Variants in PHACTR4 observed in about 807,000 individuals in gnomAD.
PHACTR4 encodes the protein phosphatase and actin regulator 4.
In PHACTR4, 51 loss-of-function variants were observed where a neutral mutation model predicts 72.7. The ratio of observed to expected loss-of-function variants is 0.70; its 90% CI spans 0.56 to 0.89. The LOEUF is 0.89. PHACTR4 is among the 40% of genes least tolerant of loss of function. The probability of loss-of-function intolerance (pLI) is 0.00; values close to 1 mark genes in which losing one functional copy is unlikely to be tolerated. For synonymous variants in PHACTR4, 255 were observed against 302.5 expected, an observed-to-expected ratio of 0.84 and a Z score of 1.63; for missense variants, 731 against 861.8, an observed-to-expected ratio of 0.85 and a Z score of 1.90.
At chr1:28,376,941 T>A (rs1158237429) in intron 1 of PHACTR4, among the ~76,000 whole-genome samples, 1 of 151,008 alleles carries the variant, frequency 6.6e-6, no homozygotes, top group Non-Finnish European at 1.5e-5. Context: ...CCGGCCTTAA[T>A]TTTTTTTTGA....
chr1:28,410,483 AAT>A, intron 2 of PHACTR4, among the ~76,000 whole-genome samples: 2 of 152,176 alleles, frequency 1.3e-5, no homozygotes, highest in African/African-American at 4.8e-5. Context: ...CCTAAATTTT[AAT>A]ATAATCTTAT....
Position 28,369,744 on chromosome 1 carries a change from T to TG in PHACTR4, c.-119dup, listed in dbSNP as rs1434691999. 2.2e-6 allele frequency: 1 copy of TG among 445,758 alleles called. No homozygotes were observed. Among genetic ancestry groups the TG allele is most frequent in the Non-Finnish European group, 4.5e-6 (1 of 223,012 alleles). 27.6% of individuals were successfully genotyped at this position (445,758 alleles called of 1,614,324 possible). A position where few individuals can be genotyped will look rare whatever the true frequency, so the allele number is the denominator to read the frequency against. On this transcript the variant is annotated 5_prime_UTR_variant, in exon 1 of 14. Coordinates refer to ENST00000373839, the MANE Select transcript of PHACTR4 (RefSeq NM_001048183.3). ...CTCCCCGGGGGCCAAGGGCTCCGGC[T>TG]GCTGCCTGGCGGCCAACGGGCCAGG...
chr1:28,420,651 G>T (rs989038630), intron 2 of PHACTR4, among the ~76,000 whole-genome samples: 3 of 152,070 alleles, frequency 2.0e-5, no homozygotes, highest in Non-Finnish European at 2.9e-5. Flanking sequence ...AATAAAAGAG[G>T]ATTGTTATCT....
At chr1:28,395,489 C>T (rs1653421784) in intron 1 of PHACTR4, among the ~76,000 whole-genome samples, 1 of 152,054 alleles carries the variant, frequency 6.6e-6, no homozygotes, top group Non-Finnish European at 1.5e-5. Context: ...ATTCATGCTT[C>T]TTAGTGGTAA....
chr1:28,459,150 A>C lies in PHACTR4; in HGVS notation c.82A>C (p.Thr28Pro). The C allele has an allele frequency of 1.2e-6, 2 of 1,614,036 alleles. No homozygotes were observed. The highest frequency in any genetic ancestry group is 1.7e-6 in the Non-Finnish European group (2 of 1,179,930). The change falls in exon 3 of 14, where the codon ACA becomes CCA. Residue 28 changes from threonine to proline, a missense_variant. Coordinates refer to ENST00000373839, the MANE Select transcript of PHACTR4 (RefSeq NM_001048183.3). ...GGACAGTGTGGAAGCAGGAGACACAACACCTCCTACCAAAAGGAAGAGCAA... is the reference window on the plus strand; with the variant it reads ...GGACAGTGTGGAAGCAGGAGACACACCACCTCCTACCAAAAGGAAGAGCAA... ...VLDSVEAGDT[T>P]PPTKRKSKFS...
intron 1 of PHACTR4, among the ~76,000 whole-genome samples, chr1:28,385,829 G>C (rs1652523540): frequency 6.6e-6 from 1 of 151,788 alleles, no homozygotes; most frequent in Non-Finnish European, 1.5e-5. Context: ...TAGCCAGGCC[G>C]ATCTTGAGCT....
chr1:28,464,910 G>A (rs890484012), intron 4 of PHACTR4, among the ~76,000 whole-genome samples: 10 of 152,008 alleles, frequency 6.6e-5, no homozygotes, highest in African/African-American at 1.2e-4. Flanking sequence ...TACCATGTTA[G>A]ACAGGCTGGT....
chr1:28,473,610 T>G lies in PHACTR4; in HGVS notation c.880T>G (p.Leu294Val). The G allele has an allele frequency of 6.2e-7, 1 of 1,614,032 alleles. No individual in the cohort carries two copies. ...ATTGTTATCAAAACCGTCCCCACCC[T>G]TACCACCTAAGAGAGGCATTCCATC... ...GTLLSKPSPPLPPKRGIPSTS... is the reference protein window; with the variant it reads ...GTLLSKPSPPVPPKRGIPSTS... The change falls in exon 7 of 14, where the codon TTA becomes GTA. Residue 294 changes from leucine (L) to valine (V), a missense_variant. Leu to Val is a conservative substitution (Grantham distance 32). Transcript: ENST00000373839.
At chr1:28,477,863 T>A (rs536549394) in intron 8 of PHACTR4, among the ~76,000 whole-genome samples, 1 of 152,114 alleles carries the variant, frequency 6.6e-6, no homozygotes, top group South Asian at 2.1e-4. Context: ...ATTTTTGTAT[T>A]TTTTTATAGA....
chr1:28,421,981 C>A (rs1005968892), intron 2 of PHACTR4, among the ~76,000 whole-genome samples: 3 of 152,194 alleles, frequency 2.0e-5, no homozygotes, highest in African/African-American at 4.8e-5. Context: ...CTTATTAATT[C>A]ATTCAATAAA....
intron 2 of PHACTR4, among the ~76,000 whole-genome samples, chr1:28,423,408 C>CAAATAAATAAATAAATAAATAAAT (rs148724281): frequency 9.5e-5 from 14 of 147,586 alleles, no homozygotes; most frequent in African/African-American, 3.2e-4. Context: ...GATCCTGCCT[C>CAAATAAATAAATAAATAAATAAAT]AAATAAATAA....
chr1:28,458,150 GT>G (rs1658542402), intron 2 of PHACTR4, among the ~76,000 whole-genome samples: 3 of 148,900 alleles, frequency 2.0e-5, no homozygotes, highest in Non-Finnish European at 4.4e-5. Context: ...GTGTGTGTGT[GT>G]GTGTGTTTGA....
intron 6 of PHACTR4, among the ~76,000 whole-genome samples, chr1:28,467,837 A>G (rs1009015158): frequency 4.6e-5 from 7 of 152,184 alleles, no homozygotes; most frequent in East Asian, 3.8e-4. Flanking sequence ...CCAAAGTTCT[A>G]TTTAAGTCTA....
intron 1 of PHACTR4, among the ~76,000 whole-genome samples, chr1:28,400,762 T>A (rs1381286228): frequency 6.6e-6 from 1 of 152,046 alleles, no homozygotes; most frequent in African/African-American, 2.4e-5. Flanking sequence ...GTAGTTTTAG[T>A]AGAGACGGGG....
At chr1:28,434,016 G>A in intron 2 of PHACTR4, among the ~76,000 whole-genome samples, 1 of 151,948 alleles carries the variant, frequency 6.6e-6, no homozygotes, top group Admixed American at 6.6e-5. Flanking sequence ...CTAATCTCAT[G>A]ATCCGCCCAC....
At chr1:28,409,621 C>T (rs976510497) in intron 2 of PHACTR4, among the ~76,000 whole-genome samples, 2 of 152,104 alleles carry the variant, frequency 1.3e-5, no homozygotes, top group African/African-American at 4.8e-5. Flanking sequence ...GTCTGAATCC[C>T]TTTTTATGCC....
chr1:28,496,495 C>T (rs761066982), intron 13 of PHACTR4, 39 bp from the exon 14 acceptor site: 3 of 1,608,482 alleles, frequency 1.9e-6, no homozygotes, highest in Admixed American at 3.3e-5. Context: ...AAGCAATGTA[C>T]ATCATGTGGT....
At chr1:28,393,024 T>C (rs1653179214) in intron 1 of PHACTR4, among the ~76,000 whole-genome samples, 1 of 152,140 alleles carries the variant, frequency 6.6e-6, no homozygotes, top group Non-Finnish European at 1.5e-5. Flanking sequence ...TGAGTGCAAT[T>C]GGATTCAGTA....
rs920232733 is a variant in PHACTR4, at chr1:28,497,300, C to G, written c.*751C>G. 1 of 152,030 alleles carries G rather than the reference C, an allele frequency of 6.6e-6. No homozygotes were observed. The highest frequency in any genetic ancestry group is 1.5e-5 in the Non-Finnish European group (1 of 68,006). The allele number at this position is 152,030 out of a possible 1,614,324, so 9.4% of individuals were successfully genotyped here. A position where few individuals can be genotyped will look rare whatever the true frequency, so the allele number is the denominator to read the frequency against. On this transcript the variant is annotated 3_prime_UTR_variant, in exon 14 of 14. Coordinates refer to ENST00000373839, the MANE Select transcript of PHACTR4 (RefSeq NM_001048183.3). ...AGGCGCGGTGGCTCACGCCTGTAATCCCAGCACTTTGGGAGGCCGAGGTGG... is the reference window on the plus strand; with the variant it reads ...AGGCGCGGTGGCTCACGCCTGTAATGCCAGCACTTTGGGAGGCCGAGGTGG...
Sources: gnomAD v4.1 joint callset for allele counts (sites outside exome capture counted in the v4.1 genomes callset) on GRCh38, gnomAD v4.1.1 for gene constraint, MANE v1.5 for transcripts, NCBI Gene and HGNC (gene_info 2026-07-23, HGNC 2026-07-21) for gene names.